The following DCLK1 variants were observed in gnomAD, a reference collection of about 807,000 sequenced individuals.
DCLK1 encodes the protein serine/threonine-protein kinase DCLK1.
In DCLK1, 16 loss-of-function variants were observed where a neutral mutation model predicts 86.2. That is an observed-to-expected ratio of 0.19 (90% CI 0.13 to 0.28). The LOEUF is 0.28. Ranked by LOEUF, DCLK1 falls within the 10% of genes least tolerant of loss-of-function variation. DCLK1 has a pLI of 1.00. For synonymous variants in DCLK1, 369 were observed against 370.5 expected, an observed-to-expected ratio of 1.00 and a Z score of 0.05; for missense variants, 590 against 940.2, an observed-to-expected ratio of 0.63 and a Z score of 4.87.
chr13:35,899,464 C>T (rs1764323701), intron 4 of DCLK1, among the ~76,000 whole-genome samples: 1 of 151,512 alleles, frequency 6.6e-6, no homozygotes, highest in South Asian at 2.1e-4. Context: ...ACACTGATTA[C>T]AAGAACTAGA....
At chr13:36,070,854 G>A (rs1345819620) in intron 3 of DCLK1, among the ~76,000 whole-genome samples, 2 of 151,944 alleles carry the variant, frequency 1.3e-5, no homozygotes, top group African/African-American at 4.8e-5. Context: ...TGTTGGCCAG[G>A]ATGGTCTCTC....
chr13:35,836,898 A>C (rs1869424883), intron 7 of DCLK1, among the ~76,000 whole-genome samples: 1 of 152,244 alleles, frequency 6.6e-6, no homozygotes, highest in Non-Finnish European at 1.5e-5. Flanking sequence ...AATAAGCCAC[A>C]GTTAGGTCAC....
At chr13:35,840,834 G>T (rs1228331357) in intron 6 of DCLK1, among the ~76,000 whole-genome samples, 2 of 152,210 alleles carry the variant, frequency 1.3e-5, no homozygotes, top group Non-Finnish European at 2.9e-5. Flanking sequence ...TTTATGGATG[G>T]ACATCTTTTT....
intron 6 of DCLK1, chr13:35,850,812 G>A (rs765419080): frequency 1.5e-5 from 23 of 1,542,988 alleles, no homozygotes; most frequent in East Asian, 2.4e-5. Flanking sequence ...TTGTTTACTC[G>A]GCTTTCTTGG....
chr13:35,837,943 G>A (rs1442990341), intron 7 of DCLK1, among the ~76,000 whole-genome samples: 1 of 151,934 alleles, frequency 6.6e-6, no homozygotes, highest in African/African-American at 2.4e-5. Context: ...GCAGACGCCT[G>A]TAATCCCAGC....
chr13:35,803,458 T>C lies in DCLK1; in HGVS notation c.1944+2241A>G, dbSNP rs531804446. The stretch of plus-strand genomic sequence containing the variant: ...GTACACCAGTTAGAAAACTCTGCTA[T>C]ATGAGAAGCCTTAAAACAAACCTCA... On this transcript the variant is annotated intron_variant, in intron 15 of 16. Transcript: ENST00000360631. Among the ~76,000 whole-genome samples, 71 of 152,324 alleles carry C rather than the reference T, an allele frequency of 4.7e-4. 1 individual carries two copies. Among genetic ancestry groups the C allele is most frequent in the Non-Finnish European group, 9.4e-4 (64 of 68,024 alleles).
At chr13:35,779,830 T>C (rs2086491570) in intron 16 of DCLK1, among the ~76,000 whole-genome samples, 1 of 152,210 alleles carries the variant, frequency 6.6e-6, no homozygotes, top group African/African-American at 2.4e-5. Flanking sequence ...CTAAAATATA[T>C]GCAGTTCATC....
intron 5 of DCLK1, among the ~76,000 whole-genome samples, chr13:35,863,861 A>T (rs1871580374): frequency 6.6e-6 from 1 of 152,244 alleles, no homozygotes; most frequent in Admixed American, 6.5e-5. Flanking sequence ...TATGTTGCAT[A>T]AAATATTTTT....
intron 3 of DCLK1, among the ~76,000 whole-genome samples, chr13:36,097,281 C>T (rs1011766389): frequency 2.6e-5 from 4 of 152,324 alleles, no homozygotes; most frequent in Middle Eastern, 3.4e-3. Flanking sequence ...AAGTGTCTAA[C>T]ACTGGAATGT....
At chr13:35,959,270 A>G (rs1387219753) in intron 3 of DCLK1, among the ~76,000 whole-genome samples, 6 of 152,190 alleles carry the variant, frequency 3.9e-5, no homozygotes. Flanking sequence ...TCTCCCCACA[A>G]AGCATGAACT....
chr13:35,842,513 CAA>C (rs11350271), intron 6 of DCLK1, among the ~76,000 whole-genome samples: 2 of 148,540 alleles, frequency 1.3e-5, no homozygotes, highest in Admixed American at 6.7e-5. Context: ...TCTCCAAAAA[CAA>C]AAAAAAAACC....
intron 4 of DCLK1, among the ~76,000 whole-genome samples, chr13:35,880,730 C>A (rs532951126): frequency 5.5e-4 from 83 of 152,284 alleles, no homozygotes; most frequent in Non-Finnish European, 7.2e-4. Context: ...TCTGTTTTTT[C>A]TCTGCCATGG....
chr13:35,979,143 G>A (rs1347581128), intron 3 of DCLK1, among the ~76,000 whole-genome samples: 1 of 152,186 alleles, frequency 6.6e-6, no homozygotes, highest in African/African-American at 2.4e-5. Context: ...CAAAACAGAA[G>A]CTATGTTTTT....
intron 11 of DCLK1, among the ~76,000 whole-genome samples, chr13:35,815,935 C>A (rs548153501): frequency 6.6e-6 from 1 of 151,978 alleles, no homozygotes; most frequent in Non-Finnish European, 1.5e-5. Flanking sequence ...GGTAATTAAA[C>A]GAAAAAGTAA....
At chr13:35,803,904 G>T (rs540864059) in intron 15 of DCLK1, among the ~76,000 whole-genome samples, 62 of 152,192 alleles carry the variant, frequency 4.1e-4, no homozygotes, top group Admixed American at 8.5e-4. Context: ...ATATATTCAA[G>T]CCTATATCTG....
At chr13:36,083,966 A>G (rs1884507378) in intron 3 of DCLK1, among the ~76,000 whole-genome samples, 2 of 152,342 alleles carry the variant, frequency 1.3e-5, no homozygotes, top group South Asian at 2.1e-4. Flanking sequence ...CATAATTAGA[A>G]TGTGCTAGAA....
At chr13:35,982,433 G>GAGAGAGAGA (rs1566631727) in intron 3 of DCLK1, among the ~76,000 whole-genome samples, 1 of 21,692 alleles carries the variant, frequency 4.6e-5, no homozygotes, top group Non-Finnish European at 9.9e-5. Flanking sequence ...AGAGAGAGAG[G>GAGAGAGAGA]GGGAGGGAGG....
intron 4 of DCLK1, among the ~76,000 whole-genome samples, chr13:35,911,648 T>G (rs953854159): frequency 6.6e-6 from 1 of 152,224 alleles, no homozygotes; most frequent in African/African-American, 2.4e-5. Context: ...AATTTCTCAA[T>G]TTAAGCTGCC....
rs1885694729 is a variant in DCLK1 at position 36,113,883 on chromosome 13, T to G, written c.377-1668A>C. Among the ~76,000 whole-genome samples the G allele has an allele frequency of 2.0e-5, 3 of 152,192 alleles. No individual in the cohort carries two copies. In the South Asian group the frequency reaches 6.2e-4, roughly 31 times the overall value. On this transcript the variant is annotated intron_variant, in intron 2 of 16. Coordinates refer to ENST00000360631, the MANE Select transcript of DCLK1 (RefSeq NM_001330071.2). Reference sequence around the variant, plus strand: ...ATTACTAGAAATCGGTAAGCAGGTCTTATATTGAACAGTTACCAGTGGACA... The same window carrying G: ...ATTACTAGAAATCGGTAAGCAGGTCGTATATTGAACAGTTACCAGTGGACA...
Sources: gnomAD v4.1 joint callset for allele counts (sites outside exome capture counted in the v4.1 genomes callset) on GRCh38, gnomAD v4.1.1 for gene constraint, MANE v1.5 for transcripts, NCBI Gene and HGNC (gene_info 2026-07-23, HGNC 2026-07-21) for gene names.